The following RBFOX1 variants were observed in gnomAD, a reference collection of about 807,000 sequenced individuals.
The protein encoded by RBFOX1 is RNA binding protein fox-1 homolog 1.
Under a neutral mutation model 57.7 loss-of-function variants are expected in RBFOX1, and 8 were observed. The ratio of observed to expected loss-of-function variants is 0.14; its 90% CI spans 0.08 to 0.25. The LOEUF (loss-of-function observed/expected upper bound fraction) is 0.25, where lower values mean the gene tolerates loss of function less well. RBFOX1 is among the 10% of genes least tolerant of loss of function. The pLI, the probability that RBFOX1 is intolerant of heterozygous loss-of-function variation, is 1.00. For synonymous variants in RBFOX1, 326 were observed against 222.4 expected (o/e 1.47, Z -4.15); for missense variants, 611 against 548.5 (o/e 1.11, Z -1.14).
chr16:6,989,535 T>G (rs1169612772), intron 3 of RBFOX1, among the ~76,000 whole-genome samples: 1 of 152,194 alleles, frequency 6.6e-6, no homozygotes, highest in African/African-American at 2.4e-5. Flanking sequence ...CCTATCAATT[T>G]ATACGTAGTA....
chr16:5,335,718 C>T (rs2064878979), intron 1 of RBFOX1, among the ~76,000 whole-genome samples: 1 of 152,136 alleles, frequency 6.6e-6, no homozygotes, highest in Non-Finnish European at 1.5e-5. Flanking sequence ...CATAAGCTTT[C>T]TGAGGGCAGA....
intron 4 of RBFOX1, among the ~76,000 whole-genome samples, chr16:7,466,115 C>T (rs1210613530): frequency 5.3e-5 from 8 of 152,232 alleles, no homozygotes; most frequent in South Asian, 2.1e-4. Context: ...GGAAAAGATG[C>T]CTGGTTTTAG....
At chr16:5,243,734 C>T (rs1408260417) in intron 1 of RBFOX1, among the ~76,000 whole-genome samples, 1 of 151,948 alleles carries the variant, frequency 6.6e-6, no homozygotes, top group Non-Finnish European at 1.5e-5. Context: ...CCTGCTGTAC[C>T]CTTTATGAGC....
intron 4 of RBFOX1, among the ~76,000 whole-genome samples, chr16:7,144,455 G>C (rs912793252): frequency 1.1e-5 from 1 of 93,474 alleles, no homozygotes; most frequent in African/African-American, 4.6e-5. Flanking sequence ...GGGCCCCTCT[G>C]TTGTTCTGGC....
At chr16:7,108,645 A>G (rs527394269) in intron 4 of RBFOX1, among the ~76,000 whole-genome samples, 1 of 152,254 alleles carries the variant, frequency 6.6e-6, no homozygotes, top group African/African-American at 2.4e-5. Context: ...GTCTACCCTG[A>G]GCATAGGAGT....
At position 7,443,007 on chromosome 16, in the gene RBFOX1, C is replaced by T. The variant is rs2098780882; in HGVS notation, c.28-75140C>T. Among the ~76,000 whole-genome samples the T allele has an allele frequency of 2.0e-5, 3 of 152,288 alleles. No homozygotes were observed. In the South Asian group the frequency reaches 6.2e-4, roughly 32 times the overall value. On this transcript the variant is annotated intron_variant, in intron 4 of 15. Transcript: ENST00000550418. ...TAGTGCACTGGGAAGGAAACACCAT[C>T]AAACACTTTAATTAACATCCTTTTT...
At chr16:5,531,060 G>T (rs2044458315) in intron 2 of RBFOX1, among the ~76,000 whole-genome samples, 1 of 151,814 alleles carries the variant, frequency 6.6e-6, no homozygotes, top group South Asian at 2.1e-4. Flanking sequence ...GGGAGGTGGA[G>T]CTTGCAGTAA....
intron 1 of RBFOX1, among the ~76,000 whole-genome samples, chr16:6,155,940 A>G (rs1337866461): frequency 1.3e-5 from 2 of 152,146 alleles, no homozygotes; most frequent in Non-Finnish European, 2.9e-5. Flanking sequence ...AGGCACTCTG[A>G]TAAGTGCTTA....
chr16:6,450,774 TATATATATATATATAC>T (rs2094578026), intron 2 of RBFOX1, among the ~76,000 whole-genome samples: 1 of 33,180 alleles, frequency 3.0e-5, no homozygotes, highest in Non-Finnish European at 4.9e-5. Context: ...TGTGTATATA[TATATATATATATATAC>T]ATATATATAT....
chr16:7,396,714 T>G (rs999644277), intron 4 of RBFOX1, among the ~76,000 whole-genome samples: 14 of 152,104 alleles, frequency 9.2e-5, no homozygotes, highest in African/African-American at 3.4e-4. Flanking sequence ...CTGAGGTGGG[T>G]GGATCACTTG....
At chr16:7,412,276 G>T (rs1402252002) in intron 4 of RBFOX1, among the ~76,000 whole-genome samples, 2 of 151,966 alleles carry the variant, frequency 1.3e-5, no homozygotes, top group Non-Finnish European at 2.9e-5. Flanking sequence ...TTAGCCAGGC[G>T]TGGTGGCGTG....
chr16:7,118,504 C>G (rs1478691), intron 4 of RBFOX1, among the ~76,000 whole-genome samples: 2 of 151,992 alleles, frequency 1.3e-5, no homozygotes, highest in African/African-American at 4.8e-5. Context: ...GACAGGTACA[C>G]TCAAAGCCAA....
chr16:7,519,261 C>A (rs369057724), intron 5 of RBFOX1, among the ~76,000 whole-genome samples: 1 of 152,108 alleles, frequency 6.6e-6, no homozygotes, highest in Admixed American at 6.5e-5. Flanking sequence ...TAGCCTAATA[C>A]ATTTGAGATT....
Position 7,106,984 on chromosome 16 carries a change from A to AAACACAC in RBFOX1, c.27+54887_27+54888insACACACA, listed in dbSNP as rs529197707. 2.3e-3 allele frequency among the ~76,000 whole-genome samples: 342 copies of AAACACAC among 148,630 alleles called. 2 individuals carry two copies. The highest frequency in any genetic ancestry group is 0.019 in the South Asian group (86 of 4,594). On this transcript the variant is annotated intron_variant, in intron 4 of 15. Transcript: ENST00000550418. ...ATTCCCATGTAAGCCACACAGTTAA[A>AAACACAC]ACACACACACACACACACACACACT...
At chr16:5,752,468 C>G (rs972068039) in intron 3 of RBFOX1, among the ~76,000 whole-genome samples, 1 of 152,196 alleles carries the variant, frequency 6.6e-6, no homozygotes, top group Non-Finnish European at 1.5e-5. Flanking sequence ...TTGAAACAAT[C>G]AACTATTAAA....
At chr16:5,686,594 C>A (rs1467278527) in intron 3 of RBFOX1, among the ~76,000 whole-genome samples, 1 of 152,010 alleles carries the variant, frequency 6.6e-6, no homozygotes, top group African/African-American at 2.4e-5. Flanking sequence ...GATATTTGGT[C>A]TGGTGTTTGA....
intron 2 of RBFOX1, among the ~76,000 whole-genome samples, chr16:6,478,429 A>ATATATTTTTTTTTT (rs1159954387): frequency 1.2e-4 from 3 of 24,634 alleles, no homozygotes; most frequent in Non-Finnish European, 2.3e-4. Context: ...ATATATATAT[A>ATATATTTTTTTTTT]TTTTTTTTTT....
rs569381134 is a variant in RBFOX1 at position 7,294,042 on chromosome 16, C to T, written c.28-224105C>T. On this transcript the variant is annotated intron_variant, in intron 4 of 15. Transcript: ENST00000550418. ...GCATTTCTGGGGTCAAAGAACCTTG[C>T]AGCCAAGCTCATGAAAGAGGAAAAA... 3.3e-5 allele frequency among the ~76,000 whole-genome samples: 5 copies of T among 152,256 alleles called. No individual in the cohort carries two copies. In the East Asian group the frequency reaches 7.7e-4, roughly 23 times the overall value.
intron 2 of RBFOX1, among the ~76,000 whole-genome samples, chr16:6,408,718 A>C (rs2093365257): frequency 6.6e-6 from 1 of 152,204 alleles, no homozygotes; most frequent in Non-Finnish European, 1.5e-5. Flanking sequence ...TTTTCAAGGC[A>C]AAGGGCATGG....
Sources: gnomAD v4.1 joint callset for allele counts (sites outside exome capture counted in the v4.1 genomes callset) on GRCh38, gnomAD v4.1.1 for gene constraint, MANE v1.5 for transcripts, NCBI Gene and HGNC (gene_info 2026-07-23, HGNC 2026-07-21) for gene names.